Variants in PPM1H observed in about 807,000 individuals in gnomAD.
PPM1H encodes the protein protein phosphatase 1H.
A neutral mutation model predicts 54.9 loss-of-function variants in PPM1H; 27 were observed. That is an observed-to-expected ratio of 0.49 (90% CI 0.36 to 0.68). The LOEUF is 0.68. Ranked by LOEUF, PPM1H falls within the 30% of genes least tolerant of loss-of-function variation. PPM1H has a pLI of 0.00. For missense variants in PPM1H, 596 were observed against 667.8 expected (o/e 0.89, Z 1.19); for synonymous variants, 305 against 270.8 (o/e 1.13, Z -1.24).
chr12:62,746,194 CA>C (rs369594379), intron 4 of PPM1H, among the ~76,000 whole-genome samples: 5 of 148,514 alleles, frequency 3.4e-5, no homozygotes, highest in East Asian at 2.0e-4. Flanking sequence ...GATCCTGTCT[CA>C]AAAAAAAAAC....
chr12:62,724,181 T>A lies in PPM1H; in HGVS notation c.955-3892A>T, dbSNP rs146950009. Among the ~76,000 whole-genome samples the A allele has an allele frequency of 2.0e-5, 3 of 152,326 alleles. No individual in the cohort carries two copies. The East Asian group carries it at 5.8e-4, about 29-fold the overall frequency. ...TGTATGACTGTCCCTAAAAATACAGTTTGCCCTGTTTCCTTGGGGCTTTCT... is the reference window on the plus strand; with the variant it reads ...TGTATGACTGTCCCTAAAAATACAGATTGCCCTGTTTCCTTGGGGCTTTCT... On this transcript the variant is annotated intron_variant, in intron 5 of 9. Coordinates refer to ENST00000228705, the MANE Select transcript of PPM1H (RefSeq NM_020700.2).
chr12:62,700,259 A>G (rs2076136781), intron 6 of PPM1H, among the ~76,000 whole-genome samples: 1 of 151,608 alleles, frequency 6.6e-6, no homozygotes, highest in South Asian at 2.1e-4. Flanking sequence ...CCCCATCATC[A>G]CCCTGGTCAT....
chr12:62,739,835 TAACCA>T (rs147651648), intron 4 of PPM1H, among the ~76,000 whole-genome samples: 4,331 of 152,306 alleles, frequency 0.028, 197 homozygotes, highest in African/African-American at 0.098. Context: ...GATGTTCACT[TAACCA>T]AGTCACACGG....
At chr12:62,744,166 TAAAAAAAAAAAAA>T (rs549496108) in intron 4 of PPM1H, among the ~76,000 whole-genome samples, 1 of 129,462 alleles carries the variant, frequency 7.7e-6, no homozygotes, top group Non-Finnish European at 1.6e-5. Context: ...TATACAGTCA[TAAAAAAAAAAAAA>T]AAAAAAAAAG....
intron 6 of PPM1H, among the ~76,000 whole-genome samples, chr12:62,711,472 G>A (rs1442660244): frequency 6.6e-6 from 1 of 152,204 alleles, no homozygotes; most frequent in Admixed American, 6.5e-5. Context: ...TAGATGGTAA[G>A]TGTCTACAGG....
At chr12:62,756,377 G>A (rs1407635808) in intron 4 of PPM1H, 1 of 447,400 alleles carries the variant, frequency 2.2e-6, no homozygotes, top group African/African-American at 2.0e-5. Flanking sequence ...GAAAAGGGAG[G>A]GGCCTAGAGA....
intron 6 of PPM1H, among the ~76,000 whole-genome samples, chr12:62,698,981 TA>T (rs2076128822): frequency 1.3e-5 from 2 of 152,168 alleles, no homozygotes; most frequent in South Asian, 4.1e-4. Flanking sequence ...TATATCATGT[TA>T]AATTTGATAA....
intron 1 of PPM1H, among the ~76,000 whole-genome samples, chr12:62,893,072 C>T (rs1280199443): frequency 6.6e-6 from 1 of 152,140 alleles, no homozygotes; most frequent in African/African-American, 2.4e-5. Context: ...TCCAGTGGGT[C>T]AAATCTGGTC....
At chr12:62,663,956 C>T (rs2075901689) in intron 9 of PPM1H, among the ~76,000 whole-genome samples, 2 of 150,252 alleles carry the variant, frequency 1.3e-5, no homozygotes, top group South Asian at 4.2e-4. Context: ...TGCGCCATTG[C>T]ACTCCAGCCT....
At chr12:62,918,052 C>T (rs1382353380) in intron 1 of PPM1H, among the ~76,000 whole-genome samples, 1 of 152,118 alleles carries the variant, frequency 6.6e-6, no homozygotes, top group East Asian at 1.9e-4. Flanking sequence ...TTAAGAAGTA[C>T]CCAACTTCTC....
chr12:62,737,944 G>A (rs760897666), intron 4 of PPM1H, among the ~76,000 whole-genome samples: 1 of 152,182 alleles, frequency 6.6e-6, no homozygotes, highest in Non-Finnish European at 1.5e-5. Context: ...CAGGGTTATC[G>A]AATAGCACCT....
At chr12:62,820,067 G>A (rs1435509468) in intron 2 of PPM1H, among the ~76,000 whole-genome samples, 1 of 152,224 alleles carries the variant, frequency 6.6e-6, no homozygotes, top group Non-Finnish European at 1.5e-5. Context: ...GGACACTCCC[G>A]CCCAAATACT....
intron 1 of PPM1H, among the ~76,000 whole-genome samples, chr12:62,836,460 T>C (rs1270475777): frequency 6.6e-6 from 1 of 152,214 alleles, no homozygotes; most frequent in Non-Finnish European, 1.5e-5. Flanking sequence ...AGTAATTAAC[T>C]CATTTCATCC....
intron 7 of PPM1H, among the ~76,000 whole-genome samples, chr12:62,692,274 G>A (rs932827593): frequency 9.9e-5 from 15 of 152,210 alleles, no homozygotes; most frequent in Admixed American, 2.6e-4. Flanking sequence ...ACAGGTACAC[G>A]GACAGAACTT....
At chr12:62,837,641 A>G (rs1868542144) in intron 1 of PPM1H, among the ~76,000 whole-genome samples, 1 of 152,234 alleles carries the variant, frequency 6.6e-6, no homozygotes, top group Non-Finnish European at 1.5e-5. Context: ...TTCCCCTAAA[A>G]TAAGAATAGT....
intron 4 of PPM1H, among the ~76,000 whole-genome samples, chr12:62,785,158 A>G (rs147225217): frequency 0.028 from 4,216 of 152,274 alleles, 178 homozygotes; most frequent in African/African-American, 0.096. Flanking sequence ...TCAAATGATT[A>G]GATATAACAT....
intron 5 of PPM1H, among the ~76,000 whole-genome samples, chr12:62,736,204 G>T (rs2076348625): frequency 6.6e-6 from 1 of 152,192 alleles, no homozygotes; most frequent in South Asian, 2.1e-4. Context: ...AGAGGCCCTT[G>T]GTGGCCCTAT....
At chr12:62,705,433 A>C (rs1476637490) in intron 6 of PPM1H, among the ~76,000 whole-genome samples, 1 of 152,252 alleles carries the variant, frequency 6.6e-6, no homozygotes, top group Non-Finnish European at 1.5e-5. Flanking sequence ...TATACGGAGT[A>C]GAATAAAGTA....
chr12:62,707,406 A>G (rs1343228203), intron 6 of PPM1H, among the ~76,000 whole-genome samples: 1 of 152,180 alleles, frequency 6.6e-6, no homozygotes, highest in Non-Finnish European at 1.5e-5. Context: ...GGGGATAACC[A>G]GGGGCAAAGA....
Sources: allele counts gnomAD v4.1 joint callset (sites outside exome capture counted in the v4.1 genomes callset), GRCh38; gene constraint gnomAD v4.1.1; transcripts MANE v1.5; gene names NCBI Gene and HGNC (gene_info 2026-07-23, HGNC 2026-07-21).